Variants in OR14I1 observed in about 807,000 individuals in gnomAD.
The protein encoded by OR14I1 is olfactory receptor 14I1.
For synonymous variants in OR14I1, 118 were observed against 71.1 expected, an observed-to-expected ratio of 1.66 and a Z score of -3.32; for missense variants, 279 against 181.8, an observed-to-expected ratio of 1.53 and a Z score of -3.07.
At chr1:248,691,911 G>T in the OR14I1 span, 9 of 48,520 alleles carry the variant, frequency 1.9e-4, no homozygotes, top group African/African-American at 4.2e-4. Context: ...GCTCTCTCGG[G>T]CCTACAAGTC....
At chr1:248,694,693 T>C in the OR14I1 span, among the ~76,000 whole-genome samples, 2 of 152,226 alleles carry the variant, frequency 1.3e-5, no homozygotes, top group Admixed American at 1.3e-4. Flanking sequence ...TCACTTCTTA[T>C]CACAGAGGAT....
chr1:248,688,593 C>G, the OR14I1 span, among the ~76,000 whole-genome samples: 1 of 152,226 alleles, frequency 6.6e-6, no homozygotes, highest in Admixed American at 6.5e-5. Context: ...TCTAATCTTG[C>G]TCTATAATCA....
At chr1:248,688,417 G>T in the OR14I1 span, among the ~76,000 whole-genome samples, 1 of 152,216 alleles carries the variant, frequency 6.6e-6, no homozygotes, top group East Asian at 1.9e-4. Flanking sequence ...CTCAAAATAA[G>T]CAGGTGAAAA....
exon 1 of OR14I1, chr1:248,681,624 A>T (rs748393321): frequency 1.3e-6 from 1 of 780,950 alleles, no homozygotes; most frequent in African/African-American, 1.7e-5. Flanking sequence ...TCTGTCCTGA[A>T]GGGATTCTGA....
chr1:248,701,825 A>T, the OR14I1 span, among the ~76,000 whole-genome samples: 1 of 152,086 alleles, frequency 6.6e-6, no homozygotes, highest in Non-Finnish European at 1.5e-5. Flanking sequence ...GGTCTCAAAG[A>T]CCCTGTGTTA....
At chr1:248,680,747 C>G (rs1482876167), downstream of OR14I1, among the ~76,000 whole-genome samples, 3 of 152,154 alleles carry the variant, frequency 2.0e-5, no homozygotes, top group African/African-American at 7.2e-5. Context: ...TGAATACTAA[C>G]ACAAATGCAG....
chr1:248,681,394 A>T lies in OR14I1; in HGVS notation c.911T>A (p.Val304Glu), dbSNP rs114135727. 4,286 of 765,666 alleles carry T rather than the reference A, an allele frequency of 5.6e-3. 143 individuals carry two copies. In the African/African-American group the frequency reaches 0.065, roughly 12 times the overall value. The allele number at this position is 765,666 out of a possible 1,614,324, so 47.4% of individuals were successfully genotyped here. A position where few individuals can be genotyped will look rare whatever the true frequency, so the allele number is the denominator to read the frequency against. ...CTACTTTTGCAGAAAATATATCTTCACAAAGAGTCTCCACATGGCTGTTTT... is the reference window on the plus strand; with the variant it reads ...CTACTTTTGCAGAAAATATATCTTCTCAAAGAGTCTCCACATGGCTGTTTT... Residue 304 changes from valine (V) to glutamate (E), a missense_variant, in exon 1 of 1, where the codon GTG (valine) becomes GAG (glutamate). By Grantham distance (121) the Val-to-Glu change is moderately radical (BLOSUM62 -2). Transcript: ENST00000342623.
chr1:248,696,015 G>A, the OR14I1 span, among the ~76,000 whole-genome samples: 2 of 152,120 alleles, frequency 1.3e-5, no homozygotes, highest in African/African-American at 4.8e-5. Flanking sequence ...GCGATCATGT[G>A]TGTGGACACG....
chr1:248,684,765 T>TAG, upstream of OR14I1, among the ~76,000 whole-genome samples: 2 of 151,162 alleles, frequency 1.3e-5, 1 homozygote, highest in South Asian at 4.2e-4. Context: ...TACATATATA[T>TAG]ATATATATAT....
the OR14I1 span, among the ~76,000 whole-genome samples, chr1:248,690,523 T>C: frequency 1.5e-5 from 2 of 134,520 alleles, no homozygotes; most frequent in East Asian, 2.3e-4. Flanking sequence ...CCCAAGACTA[T>C]ACCAGGAAGA....
chr1:248,681,196 C>T (rs767029420), downstream of OR14I1, among the ~76,000 whole-genome samples: 1 of 151,958 alleles, frequency 6.6e-6, no homozygotes, highest in Non-Finnish European at 1.5e-5. Flanking sequence ...GAAACATTTG[C>T]ATTTCTATCT....
chr1:248,694,355 A>T, the OR14I1 span, among the ~76,000 whole-genome samples: 1 of 152,204 alleles, frequency 6.6e-6, no homozygotes, highest in African/African-American at 2.4e-5. Context: ...TAACTGTAAA[A>T]ATAAATAATA....
At chr1:248,682,550 T>G (rs1403129400), upstream of OR14I1, among the ~76,000 whole-genome samples, 1 of 152,218 alleles carries the variant, frequency 6.6e-6, no homozygotes, top group African/African-American at 2.4e-5. Flanking sequence ...ATTAGTACTG[T>G]TTTTCTATTA....
chr1:248,694,526 A>G, the OR14I1 span, among the ~76,000 whole-genome samples: 3 of 152,322 alleles, frequency 2.0e-5, no homozygotes, highest in South Asian at 4.1e-4. Flanking sequence ...ATTTTATATC[A>G]AATGCTCTAC....
At chr1:248,684,848 C>G (rs561283329), upstream of OR14I1, among the ~76,000 whole-genome samples, 22,806 of 69,772 alleles carry the variant, frequency 0.33, 1,808 homozygotes, top group East Asian at 0.52. Context: ...AATGGGGTAG[C>G]GGAGGGAAAA....
chr1:248,700,851 C>CTT, the OR14I1 span, among the ~76,000 whole-genome samples: 1 of 152,122 alleles, frequency 6.6e-6, no homozygotes, highest in African/African-American at 2.4e-5. Flanking sequence ...ATTTAATGAA[C>CTT]TTGTGTTCTT....
At chr1:248,683,512 T>C (rs1176987653), upstream of OR14I1, among the ~76,000 whole-genome samples, 1 of 152,238 alleles carries the variant, frequency 6.6e-6, no homozygotes, top group African/African-American at 2.4e-5. Context: ...ATTAAGCACA[T>C]AAATGCTATC....
the OR14I1 span, among the ~76,000 whole-genome samples, chr1:248,690,888 T>C: frequency 6.6e-6 from 1 of 152,138 alleles, no homozygotes; most frequent in South Asian, 2.1e-4. Flanking sequence ...AAAAAGATTA[T>C]CCATCACGAT....
upstream of OR14I1, among the ~76,000 whole-genome samples, chr1:248,684,605 A>T (rs2103134327): frequency 6.6e-6 from 1 of 152,328 alleles, no homozygotes; most frequent in East Asian, 1.9e-4. Context: ...ACTCTCTAGA[A>T]GTTAAACTGA....
Sources: gnomAD v4.1 joint callset for allele counts (sites outside exome capture counted in the v4.1 genomes callset) on GRCh38, gnomAD v4.1.1 for gene constraint, MANE v1.5 for transcripts, NCBI Gene and HGNC (gene_info 2026-07-23, HGNC 2026-07-21) for gene names.